Variants in PCDH11X observed in about 807,000 individuals in gnomAD.
PCDH11X encodes the protein protocadherin 11 X-linked.
In PCDH11X, 18 loss-of-function variants were observed where a neutral mutation model predicts 53.3. The observed-to-expected ratio is 0.34, with a 90% CI of 0.23 to 0.50. The LOEUF (loss-of-function observed/expected upper bound fraction) is 0.50, where lower values mean the gene tolerates loss of function less well. Ranked by LOEUF, PCDH11X falls within the 20% of genes least tolerant of loss-of-function variation. The pLI, the probability that PCDH11X is intolerant of heterozygous loss-of-function variation, is 0.98. For missense variants in PCDH11X, 570 were observed against 1,032.4 expected (o/e 0.55, Z 6.14); for synonymous variants, 279 against 393.3 (o/e 0.71, Z 3.44).
intron 6 of PCDH11X, among the ~76,000 whole-genome samples, chrX:91,909,134 T>C (rs1336094910): frequency 4.5e-5 from 5 of 111,057 alleles, no homozygotes; most frequent in Non-Finnish European, 9.5e-5. Context: ...ACAGTCCTCT[T>C]CAAAACAAGC....
At chrX:92,292,576 C>T (rs1242482561) in intron 8 of PCDH11X, among the ~76,000 whole-genome samples, 1 of 110,683 alleles carries the variant, frequency 9.0e-6, no homozygotes, top group Non-Finnish European at 1.9e-5. Flanking sequence ...GAAGCCACAA[C>T]CTCCTGAGAA....
At chrX:92,305,944 T>G (rs1032830434) in intron 8 of PCDH11X, among the ~76,000 whole-genome samples, 19 of 107,200 alleles carry the variant, frequency 1.8e-4, no homozygotes, top group Non-Finnish European at 1.7e-4. Flanking sequence ...AGGTTTTGTG[T>G]TTTTTTAAAA....
At chrX:92,128,586 C>T (rs761307627) in intron 6 of PCDH11X, among the ~76,000 whole-genome samples, 8 of 108,555 alleles carry the variant, frequency 7.4e-5, no homozygotes, top group Admixed American at 3.0e-4. Flanking sequence ...TTAGTAGAGA[C>T]GGGGGTTTCA....
At chrX:92,258,518 C>G (rs1171440261) in intron 7 of PCDH11X, among the ~76,000 whole-genome samples, 1 of 109,969 alleles carries the variant, frequency 9.1e-6, no homozygotes, top group Non-Finnish European at 1.9e-5. Context: ...CAGGCGCCCG[C>G]CACCATGCCC....
At chrX:91,798,059 A>T (rs1366875347) in intron 1 of PCDH11X, 11 of 95,879 alleles carry the variant, frequency 1.1e-4, no homozygotes, top group African/African-American at 4.3e-4. Flanking sequence ...TCTTAACTTG[A>T]TATTTTAAAA....
intron 7 of PCDH11X, among the ~76,000 whole-genome samples, chrX:92,225,930 A>G (rs2066962456): frequency 8.9e-6 from 1 of 111,906 alleles, no homozygotes; most frequent in Admixed American, 9.6e-5. Flanking sequence ...TCATCCTTAG[A>G]ATTTTTATTT....
At chrX:92,303,560 C>A (rs1036701341) in intron 8 of PCDH11X, among the ~76,000 whole-genome samples, 2 of 110,992 alleles carry the variant, frequency 1.8e-5, no homozygotes, top group Admixed American at 1.9e-4. Context: ...CACTATCTGA[C>A]AAAAAACTGC....
chrX:92,347,823 G>A (rs2069939632), intron 8 of PCDH11X, among the ~76,000 whole-genome samples: 1 of 111,441 alleles, frequency 9.0e-6, no homozygotes, highest in Admixed American at 9.6e-5. Flanking sequence ...GAAATAGTTG[G>A]GTCTTCAATT....
intron 7 of PCDH11X, among the ~76,000 whole-genome samples, chrX:92,210,627 TAC>T (rs1427253383): frequency 9.0e-6 from 1 of 111,633 alleles, no homozygotes; most frequent in African/African-American, 3.3e-5. Flanking sequence ...AAATATAAGT[TAC>T]AGTTTCAGGT....
chrX:92,237,001 A>G (rs1318527830), intron 7 of PCDH11X, among the ~76,000 whole-genome samples: 1 of 109,839 alleles, frequency 9.1e-6, no homozygotes, highest in East Asian at 3.0e-4. Context: ...AATCCAACTT[A>G]GAAACTGTGA....
At chrX:92,550,283 A>C (rs925794776) in intron 10 of PCDH11X, among the ~76,000 whole-genome samples, 1 of 107,819 alleles carries the variant, frequency 9.3e-6, no homozygotes, top group African/African-American at 3.3e-5. Flanking sequence ...AAGCATATTA[A>C]ATGTGCTATG....
chrX:91,811,102 A>T, intron 3 of PCDH11X, 135 bp from the exon 4 acceptor site: 1 of 534,020 alleles, frequency 1.9e-6, no homozygotes, highest in Non-Finnish European at 2.8e-6. Flanking sequence ...GGAACCTCCT[A>T]TCTAGTGCAG....
chrX:92,121,818 C>T (rs1156673892), intron 6 of PCDH11X, among the ~76,000 whole-genome samples: 26 of 107,378 alleles, frequency 2.4e-4, no homozygotes, highest in Non-Finnish European at 4.8e-4. Flanking sequence ...CTCCACCTTC[C>T]GGGTTCAAGT....
intron 6 of PCDH11X, among the ~76,000 whole-genome samples, chrX:92,176,191 C>A (rs1199653644): frequency 9.0e-6 from 1 of 111,618 alleles, no homozygotes; most frequent in Non-Finnish European, 1.9e-5. Flanking sequence ...TAGGATCTTA[C>A]TTCTCAGATA....
intron 8 of PCDH11X, among the ~76,000 whole-genome samples, chrX:92,333,637 A>G (rs2069545175): frequency 8.9e-6 from 1 of 111,739 alleles, no homozygotes; most frequent in South Asian, 3.7e-4. Flanking sequence ...TAGAGGTTGT[A>G]GACAGCCAGG....
intron 10 of PCDH11X, among the ~76,000 whole-genome samples, chrX:92,590,025 T>C (rs1924857500): frequency 9.1e-6 from 1 of 109,752 alleles, no homozygotes; most frequent in African/African-American, 3.3e-5. Context: ...TATTTTTCTT[T>C]TTTTTTTTGC....
At chrX:92,187,115 C>CACTATTTT (rs1367133337) in intron 6 of PCDH11X, among the ~76,000 whole-genome samples, 1 of 111,689 alleles carries the variant, frequency 9.0e-6, no homozygotes, top group Non-Finnish European at 1.9e-5. Context: ...ACAAAAAAAT[C>CACTATTTT]ACTATTTTAC....
intron 10 of PCDH11X, among the ~76,000 whole-genome samples, chrX:92,557,259 A>G (rs1432469930): frequency 9.1e-6 from 1 of 110,141 alleles, no homozygotes; most frequent in Non-Finnish European, 1.9e-5. Flanking sequence ...GAAGGCTTGA[A>G]TTTCTCCCCC....
intron 6 of PCDH11X, among the ~76,000 whole-genome samples, chrX:91,936,349 C>A (rs1316336442): frequency 9.2e-6 from 1 of 108,778 alleles, no homozygotes; most frequent in Admixed American, 1.0e-4. Flanking sequence ...TTGTAATTGG[C>A]AGTTCTGTGA....
Sources: allele counts gnomAD v4.1 joint callset (sites outside exome capture counted in the v4.1 genomes callset), GRCh38; gene constraint gnomAD v4.1.1; transcripts MANE v1.5; gene names NCBI Gene and HGNC (gene_info 2026-07-23, HGNC 2026-07-21).